Variants in ADAMTS6 observed in about 807,000 individuals in gnomAD.
ADAMTS6 encodes the protein A disintegrin and metalloproteinase with thrombospondin motifs 6.
ADAMTS6 carries 23 observed loss-of-function variants against 144.3 expected under a neutral mutation model. The observed-to-expected ratio is 0.16, with a 90% CI of 0.11 to 0.23. The LOEUF (loss-of-function observed/expected upper bound fraction) is 0.23. Among genes scored for constraint, ADAMTS6 ranks in the 10% least tolerant of loss-of-function variants. The pLI, the probability that ADAMTS6 is intolerant of heterozygous loss-of-function variation, is 1.00. For synonymous variants in ADAMTS6, 444 were observed against 457.5 expected (o/e 0.97, Z 0.38); for missense variants, 999 against 1,379.6 (o/e 0.72, Z 4.37).
chr5:65,260,311 T>G (rs1256416812), intron 14 of ADAMTS6, among the ~76,000 whole-genome samples: 1 of 151,908 alleles, frequency 6.6e-6, no homozygotes, highest in South Asian at 2.1e-4. Flanking sequence ...AGAAAGATAG[T>G]GGTGTTGAAG....
chr5:65,473,630 A>G lies in ADAMTS6; in HGVS notation c.44T>C (p.Ile15Thr). The change falls in exon 2 of 25, where the codon ATC becomes ACC. Residue 15 changes from isoleucine (I) to threonine (T), a missense_variant. Transcript: ENST00000381055. ...ACTATGAAATTCCGATGAAGCCATG[A>G]TGAGGCTCAAAATCCAGGTCAACGT... is the stretch of plus-strand genomic sequence containing the variant. ...WKTLTWILSL[I>T]MASSEFHSDH... 6.2e-7 allele frequency: 1 copy of G among 1,613,890 alleles called. No individual in the cohort carries two copies. The highest frequency in any genetic ancestry group is 8.5e-7 in the Non-Finnish European group (1 of 1,179,766).
chr5:65,293,130 C>T (rs1742486890), intron 10 of ADAMTS6, among the ~76,000 whole-genome samples: 1 of 151,782 alleles, frequency 6.6e-6, no homozygotes, highest in Non-Finnish European at 1.5e-5. Context: ...TTGAATAGTA[C>T]AATGGAAAAA....
intron 21 of ADAMTS6, among the ~76,000 whole-genome samples, chr5:65,196,144 C>T (rs771938211): frequency 6.6e-6 from 1 of 152,178 alleles, no homozygotes; most frequent in Admixed American, 6.5e-5. Flanking sequence ...ACCCAACACT[C>T]AGAATATAGG....
rs373934535 is a variant in ADAMTS6, at chr5:65,429,906, A to G, written c.1073+21569T>C. 1.2e-3 allele frequency among the ~76,000 whole-genome samples: 187 copies of G among 152,284 alleles called. 1 individual carries two copies. In the Middle Eastern group the frequency reaches 0.037, roughly 30 times the overall value. ...TCTGTTTTATAGGTAGTATTTTAAG[A>G]AAGTAGGCATTCTAACAACTATCAC... On this transcript the variant is annotated intron_variant, in intron 7 of 24. Transcript: ENST00000381055.
At chr5:65,163,959 G>T (rs373551193) in intron 24 of ADAMTS6, among the ~76,000 whole-genome samples, 1 of 152,096 alleles carries the variant, frequency 6.6e-6, no homozygotes, top group Admixed American at 6.6e-5. Flanking sequence ...GATTGTGGCC[G>T]GGGGGTGGGG....
In ADAMTS6 at chr5:65,303,771, A is replaced by G. The variant is rs565433342; in HGVS notation, c.1224-3640T>C. Among the ~76,000 whole-genome samples, 3 of 152,224 alleles carry G rather than the reference A, an allele frequency of 2.0e-5. No homozygotes were observed. In the East Asian group the frequency reaches 5.8e-4, roughly 29 times the overall value. ...TGATATAAATTTTGACTATAGAGCC[A>G]GTTCATGTATTTTTTAAATGCATAA... On this transcript the variant is annotated intron_variant, in intron 9 of 24. Transcript: ENST00000381055.
At chr5:65,273,034 A>G in intron 12 of ADAMTS6, among the ~76,000 whole-genome samples, 1 of 152,302 alleles carries the variant, frequency 6.6e-6, no homozygotes, top group Middle Eastern at 3.4e-3. Flanking sequence ...AGACTATGTT[A>G]TATGAGTAAA....
chr5:65,208,598 T>A (rs1037755186), intron 20 of ADAMTS6, among the ~76,000 whole-genome samples: 19 of 152,218 alleles, frequency 1.2e-4, no homozygotes, highest in Non-Finnish European at 2.6e-4. Flanking sequence ...TGCTAGGTCT[T>A]GATTTCAGCA....
chr5:65,257,066 G>A lies in ADAMTS6; in HGVS notation c.1830+3534C>T, dbSNP rs530690538. 9.8e-4 allele frequency among the ~76,000 whole-genome samples: 130 copies of A among 132,016 alleles called. 1 individual carries two copies. The highest frequency in any genetic ancestry group is 2.6e-4 in the Non-Finnish European group (17 of 64,668). The allele number at this position is 132,016 out of a possible 152,430, so 86.6% of individuals were successfully genotyped here. The stretch of plus-strand genomic sequence containing the variant: ...GATGGTCTTGAACTCCTGGACTCAA[G>A]AGATCTGCCTGCCTCAGCCTCCCAA... On this transcript the variant is annotated intron_variant, in intron 14 of 24. Transcript: ENST00000381055.
chr5:65,197,223 C>T (rs2112227444), intron 20 of ADAMTS6, 72 bp from the exon 21 acceptor site: 1 of 1,522,554 alleles, frequency 6.6e-7, no homozygotes, highest in East Asian at 2.3e-5. Flanking sequence ...CATAGCTTTC[C>T]TCTGTGGGGA....
intron 20 of ADAMTS6, among the ~76,000 whole-genome samples, chr5:65,202,071 T>C (rs753639799): frequency 3.3e-5 from 5 of 152,216 alleles, no homozygotes; most frequent in Non-Finnish European, 7.3e-5. Flanking sequence ...AAAGCCCATC[T>C]GCCTTGGATC....
At chr5:65,173,215 T>C (rs936141710) in intron 22 of ADAMTS6, among the ~76,000 whole-genome samples, 1 of 152,182 alleles carries the variant, frequency 6.6e-6, no homozygotes, top group African/African-American at 2.4e-5. Flanking sequence ...AAGAGCTAAA[T>C]CCAACATTTG....
rs569821746 is a variant in ADAMTS6 at position 65,404,275 on chromosome 5, G to A, written c.1073+47200C>T. Among the ~76,000 whole-genome samples the A allele has an allele frequency of 7.2e-5, 11 of 151,844 alleles. No individual in the cohort carries two copies. The East Asian group carries it at 1.7e-3, about 24-fold the overall frequency. The stretch of plus-strand genomic sequence containing the variant: ...CTCGTCATTTACATTAGGTATTTCC[G>A]CTAATGTTATCCCTGCTCCCTGCCC... On this transcript the variant is annotated intron_variant, in intron 7 of 24. Transcript: ENST00000381055.
chr5:65,317,600 C>A (rs1422990466), intron 9 of ADAMTS6, among the ~76,000 whole-genome samples: 1 of 152,096 alleles, frequency 6.6e-6, no homozygotes, highest in Non-Finnish European at 1.5e-5. Flanking sequence ...GCAAAGGAAA[C>A]AATCAACAAA....
chr5:65,312,002 T>C (rs1744538386), intron 9 of ADAMTS6, among the ~76,000 whole-genome samples: 1 of 152,072 alleles, frequency 6.6e-6, no homozygotes, highest in Admixed American at 6.6e-5. Context: ...CTTTAAACTC[T>C]GTCAAGCATT....
intron 9 of ADAMTS6, among the ~76,000 whole-genome samples, chr5:65,313,530 G>C (rs535214082): frequency 1.3e-5 from 2 of 152,084 alleles, no homozygotes; most frequent in Non-Finnish European, 2.9e-5. Context: ...TAGTATTTAT[G>C]AAAAGACAAT....
chr5:65,375,852 G>A (rs941581500), intron 7 of ADAMTS6, among the ~76,000 whole-genome samples: 1 of 152,106 alleles, frequency 6.6e-6, no homozygotes, highest in African/African-American at 2.4e-5. Flanking sequence ...CAAAGACTTG[G>A]AACCAACCCA....
chr5:65,176,563 T>C (rs1290439368), intron 22 of ADAMTS6, among the ~76,000 whole-genome samples: 2 of 152,182 alleles, frequency 1.3e-5, no homozygotes, highest in Non-Finnish European at 2.9e-5. Context: ...TATCATCCAG[T>C]TTTTCTGTGA....
intron 7 of ADAMTS6, 49 bp from the exon 8 acceptor site, chr5:65,334,134 A>G (rs1411922852): frequency 4.1e-6 from 6 of 1,476,978 alleles, no homozygotes; most frequent in Non-Finnish European, 5.4e-6. Flanking sequence ...GATTTGTAAC[A>G]TATTTTTCTA....
Sources: allele counts gnomAD v4.1 joint callset (sites outside exome capture counted in the v4.1 genomes callset), GRCh38; gene constraint gnomAD v4.1.1; transcripts MANE v1.5; gene names NCBI Gene and HGNC (gene_info 2026-07-23, HGNC 2026-07-21).